Variants in C16orf96 observed in about 807,000 individuals in gnomAD.
C16orf96 encodes chromosome 16 open reading frame 96.
A neutral mutation model predicts 103.6 loss-of-function variants in C16orf96; 108 were observed. The ratio of observed to expected loss-of-function variants is 1.04; its 90% CI spans 0.89 to 1.22. C16orf96 has a LOEUF of 1.22. Among genes scored for constraint, C16orf96 ranks in the 50% most tolerant of loss-of-function variants. The probability of loss-of-function intolerance (pLI) is 0.00; values close to 1 mark genes in which losing one functional copy is unlikely to be tolerated. For missense variants in C16orf96, 1,586 were observed against 1,464.2 expected (o/e 1.08, Z -1.36); for synonymous variants, 566 against 593.5 (o/e 0.95, Z 0.67).
At chr16:4,546,091 G>A in the C16orf96 span, among the ~76,000 whole-genome samples, 3 of 150,988 alleles carry the variant, frequency 2.0e-5, no homozygotes, top group Admixed American at 6.6e-5. Context: ...CTCATGATCC[G>A]CCCACCCTGG....
At chr16:4,543,132 G>A in the C16orf96 span, among the ~76,000 whole-genome samples, 2 of 152,186 alleles carry the variant, frequency 1.3e-5, no homozygotes, top group Non-Finnish European at 2.9e-5. Flanking sequence ...TGAGAGTTCA[G>A]GAGAGGGAGT....
At chr16:4,549,743 A>G in the C16orf96 span, among the ~76,000 whole-genome samples, 1 of 152,164 alleles carries the variant, frequency 6.6e-6, no homozygotes, top group Admixed American at 6.6e-5. Context: ...GGTTGCAGTG[A>G]GCCAAGACCT....
At chr16:4,544,670 C>T in the C16orf96 span, among the ~76,000 whole-genome samples, 64,528 of 152,000 alleles carry the variant, frequency 0.42, 16,056 homozygotes, top group African/African-American at 0.69. Flanking sequence ...AGCAATTTCA[C>T]GGGGCTGTTG....
chr16:4,579,795 A>G (rs1315602190), intron 6 of C16orf96, among the ~76,000 whole-genome samples: 4 of 151,950 alleles, frequency 2.6e-5, no homozygotes, highest in East Asian at 1.9e-4. Context: ...TATTTTTTGT[A>G]GAGACTGGTT....
chr16:4,543,799 A>T, the C16orf96 span, among the ~76,000 whole-genome samples: 1 of 151,528 alleles, frequency 6.6e-6, no homozygotes, highest in Non-Finnish European at 1.5e-5. Context: ...ATACCATCAC[A>T]ACTGGCTAAT....
At chr16:4,558,866 G>C (rs2141690137) in intron 1 of C16orf96, among the ~76,000 whole-genome samples, 1 of 143,814 alleles carries the variant, frequency 7.0e-6, no homozygotes, top group Middle Eastern at 3.8e-3. Context: ...AGTGAGCCGA[G>C]ATCGCACCAC....
upstream of C16orf96, among the ~76,000 whole-genome samples, chr16:4,551,474 C>T (rs926552998): frequency 1.4e-4 from 21 of 152,178 alleles, no homozygotes; most frequent in East Asian, 2.7e-3. Context: ...GTTTTTGAGA[C>T]GGAGTCTTGC....
intron 9 of C16orf96, among the ~76,000 whole-genome samples, chr16:4,588,984 A>T (rs1027498227): frequency 1.3e-5 from 2 of 152,078 alleles, no homozygotes; most frequent in Non-Finnish European, 1.5e-5. Context: ...CCAGTCTACT[A>T]TGAGGAAGGG....
chr16:4,579,104 C>G (rs996820048), intron 6 of C16orf96, 79 bp downstream of exon 6: 12 of 1,279,552 alleles, frequency 9.4e-6, no homozygotes, highest in South Asian at 6.5e-5. Flanking sequence ...ACTCTGCCCC[C>G]CTCCCAGGTG....
chr16:4,569,354 G>A (rs1333503899), intron 1 of C16orf96, among the ~76,000 whole-genome samples: 1 of 152,090 alleles, frequency 6.6e-6, no homozygotes, highest in African/African-American at 2.4e-5. Context: ...TTCTCCTTTT[G>A]TAACTGAGTA....
At chr16:4,560,100 C>G (rs369346653) in intron 1 of C16orf96, 2 of 152,194 alleles carry the variant, frequency 1.3e-5, no homozygotes, top group African/African-American at 4.8e-5. Flanking sequence ...TCACTGCAAC[C>G]TCTGCCTCCA....
chr16:4,570,423 GA>G (rs2059425292), intron 1 of C16orf96, among the ~76,000 whole-genome samples: 2 of 148,696 alleles, frequency 1.3e-5, no homozygotes, highest in South Asian at 2.1e-4. Context: ...CCTCTGAGTG[GA>G]AAAAAACTCA....
chr16:4,576,502 G>A lies in C16orf96; in HGVS notation c.2022G>A (p.Met674Ile), dbSNP rs1259763979. ...CCATGGTGGCTACCAAGCAGGCCATGAGCCCTGAAGACAAGAAGAGGGCTG... is the reference window on the plus strand; with the variant it reads ...CCATGGTGGCTACCAAGCAGGCCATAAGCCCTGAAGACAAGAAGAGGGCTG... ...SQAMVATKQA[M>I]SPEDKKRAVK... The change falls in exon 5 of 16, where the codon ATG (methionine) becomes ATA (isoleucine). Residue 674 changes from methionine (M) to isoleucine (I), a missense_variant. Physicochemically the swap from Met to Ile is conservative, Grantham distance 10. Transcript: ENST00000444310. The A allele has an allele frequency of 1.3e-6, 2 of 1,551,404 alleles. No homozygotes were observed. Among genetic ancestry groups the A allele is most frequent in the African/African-American group, 1.4e-5 (1 of 73,056 alleles).
chr16:4,598,059 A>G (rs1462157839), intron 14 of C16orf96, among the ~76,000 whole-genome samples: 1 of 152,042 alleles, frequency 6.6e-6, no homozygotes, highest in Non-Finnish European at 1.5e-5. Flanking sequence ...TCTAACTCAA[A>G]ACAGACTCAA....
chr16:4,599,776 G>A (rs968915332), intron 15 of C16orf96, among the ~76,000 whole-genome samples: 4 of 152,210 alleles, frequency 2.6e-5, no homozygotes, highest in Admixed American at 6.5e-5. Flanking sequence ...GCAGAGGCTC[G>A]GTCACTTTGA....
At chr16:4,570,375 G>T (rs1246627994) in intron 1 of C16orf96, among the ~76,000 whole-genome samples, 1 of 150,496 alleles carries the variant, frequency 6.6e-6, no homozygotes, top group East Asian at 1.9e-4. Context: ...TTAAGTGCAT[G>T]TATGTTTATA....
chr16:4,549,334 G>A, the C16orf96 span, among the ~76,000 whole-genome samples: 3 of 152,114 alleles, frequency 2.0e-5, no homozygotes, highest in Admixed American at 6.6e-5. Flanking sequence ...TTAGCCAGGC[G>A]TGGTGGCGGG....
upstream of C16orf96, among the ~76,000 whole-genome samples, chr16:4,553,697 A>C (rs1400451092): frequency 6.6e-6 from 1 of 151,220 alleles, no homozygotes; most frequent in Non-Finnish European, 1.5e-5. Context: ...CTGCTCTCCA[A>C]CTCCTGGATT....
intron 15 of C16orf96, 72 bp downstream of exon 15, chr16:4,599,436 C>T: frequency 1.5e-6 from 2 of 1,314,530 alleles, no homozygotes; most frequent in Non-Finnish European, 2.1e-6. Flanking sequence ...TCGTCTCATC[C>T]CATCCCCCAC....
Sources: gnomAD v4.1 joint callset for allele counts (sites outside exome capture counted in the v4.1 genomes callset) on GRCh38, gnomAD v4.1.1 for gene constraint, MANE v1.5 for transcripts, NCBI Gene and HGNC (gene_info 2026-07-23, HGNC 2026-07-21) for gene names.